The following HTT variants were observed in gnomAD, a reference collection of about 807,000 sequenced individuals.
HTT encodes the protein huntington disease protein.
A neutral mutation model predicts 362.3 loss-of-function variants in HTT; 104 were observed. The ratio of observed to expected loss-of-function variants is 0.29; its 90% CI spans 0.24 to 0.34. HTT has a LOEUF of 0.34. Ranked by LOEUF, HTT falls within the 10% of genes least tolerant of loss-of-function variation. The pLI is 1.00. For synonymous variants in HTT, 1,577 were observed against 1,548.7 expected (o/e 1.02, Z -0.43); for missense variants, 3,301 against 3,928.6 (o/e 0.84, Z 4.27).
At chr4:3,134,585 G>T in intron 19 of HTT, 45 bp downstream of exon 19, 1 of 1,550,596 alleles carries the variant, frequency 6.4e-7, no homozygotes, top group Non-Finnish European at 8.8e-7. Flanking sequence ...AAGCTCAATT[G>T]AAAGTTCTGG....
At position 3,131,319 on chromosome 4, in the gene HTT, A is replaced by G. The variant is rs756050443; in HGVS notation, c.2020A>G (p.Thr674Ala). Residue 674 changes from threonine (T) to alanine (A), a missense_variant, in exon 15 of 67, where the codon ACT becomes GCT. By Grantham distance (58) the Thr-to-Ala change is moderately conservative. Coordinates refer to ENST00000355072, the MANE Select transcript of HTT (RefSeq NM_001388492.1). ...CRIKGDIGQS[T>A]DDDSAPLVHC... Reference sequence around the variant, plus strand: ...CATCAAAGGTGACATTGGACAGTCCACTGATGATGACTCTGCACCTCTTGT... The same window carrying G: ...CATCAAAGGTGACATTGGACAGTCCGCTGATGATGACTCTGCACCTCTTGT... 1.2e-6 allele frequency: 2 copies of G among 1,613,974 alleles called. No homozygotes were observed. Among genetic ancestry groups the G allele is most frequent in the East Asian group, 2.2e-5 (1 of 44,864 alleles).
intron 47 of HTT, among the ~76,000 whole-genome samples, chr4:3,210,611 G>A (rs1477489523): frequency 1.3e-5 from 2 of 152,078 alleles, no homozygotes; most frequent in Non-Finnish European, 2.9e-5. Context: ...GTGAGCAGTG[G>A]GGGGGCCACC....
intron 10 of HTT, among the ~76,000 whole-genome samples, chr4:3,125,162 G>A (rs1045102343): frequency 2.6e-5 from 4 of 152,034 alleles, no homozygotes; most frequent in African/African-American, 9.7e-5. Flanking sequence ...TGTGTCATTG[G>A]AGCTATGACA....
At chr4:3,160,874 A>G (rs950105912) in intron 29 of HTT, among the ~76,000 whole-genome samples, 10 of 151,148 alleles carry the variant, frequency 6.6e-5, no homozygotes, top group Non-Finnish European at 1.3e-4. Context: ...AGTCTCGTAG[A>G]TTTTCTTTTT....
At position 3,211,943 on chromosome 4, in the gene HTT, C is replaced by A. The variant is rs768523603; in HGVS notation, c.6429C>A (p.Ser2143Arg). Residue 2143 changes from serine to arginine, a missense_variant, in exon 48 of 67, where the codon AGC becomes AGA. Transcript: ENST00000355072. Reference sequence around the variant, plus strand: ...TCTGATTTCAGGAGTTCAACCTAAGCCTGCTAGCTCCATGCTTAAGCCTAG... The same window carrying A: ...TCTGATTTCAGGAGTTCAACCTAAGACTGCTAGCTCCATGCTTAAGCCTAG... ...AFMMNSEFNL[S>R]LLAPCLSLGM... The A allele has an allele frequency of 1.2e-5, 20 of 1,613,874 alleles. No individual in the cohort carries two copies. The highest frequency in any genetic ancestry group is 1.6e-5 in the Non-Finnish European group (19 of 1,179,888).
intron 51 of HTT, among the ~76,000 whole-genome samples, chr4:3,217,289 C>T (rs973793326): frequency 6.6e-6 from 1 of 152,188 alleles, no homozygotes; most frequent in East Asian, 1.9e-4. Context: ...TTTCCATGCC[C>T]ACCAGAACCA....
At chr4:3,195,902 G>A (rs551943008) in intron 40 of HTT, among the ~76,000 whole-genome samples, 40 of 152,286 alleles carry the variant, frequency 2.6e-4, no homozygotes, top group Non-Finnish European at 8.8e-5. Flanking sequence ...TGACAGGCAT[G>A]CCTTTGCTGG....
chr4:3,190,106 G>A (rs1349996574), intron 40 of HTT, among the ~76,000 whole-genome samples: 1 of 152,168 alleles, frequency 6.6e-6, no homozygotes, highest in Non-Finnish European at 1.5e-5. Context: ...CACTTTGGGA[G>A]GTCAAGGTAA....
At chr4:3,086,221 TA>T (rs1375640384) in intron 1 of HTT, among the ~76,000 whole-genome samples, 1 of 152,256 alleles carries the variant, frequency 6.6e-6, no homozygotes, top group African/African-American at 2.4e-5. Context: ...TTAGTGATGT[TA>T]ACACATGATT....
At position 3,189,273 on chromosome 4, in the gene HTT, G is replaced by A. The variant is rs533165558; in HGVS notation, c.5368+180G>A. The stretch of plus-strand genomic sequence containing the variant: ...ATGTGACCCAGCAGTTCCACTCTTG[G>A]GTATATACCCAAAAGAATGGAAAGC... On this transcript the variant is annotated intron_variant, in intron 40 of 66. Coordinates refer to ENST00000355072, the MANE Select transcript of HTT (RefSeq NM_001388492.1). Among the ~76,000 whole-genome samples the A allele has an allele frequency of 5.3e-5, 8 of 152,248 alleles. No individual in the cohort carries two copies. The South Asian group carries it at 1.7e-3, about 32-fold the overall frequency.
chr4:3,186,228 G>T (rs1718751836), intron 37 of HTT, among the ~76,000 whole-genome samples: 1 of 152,162 alleles, frequency 6.6e-6, no homozygotes, highest in South Asian at 2.1e-4. Flanking sequence ...ACCATCCCAT[G>T]TATGTGTATA....
chr4:3,183,078 C>T (rs899139843), intron 37 of HTT, among the ~76,000 whole-genome samples: 4 of 152,196 alleles, frequency 2.6e-5, no homozygotes, highest in African/African-American at 9.7e-5. Context: ...GATGAGGTCT[C>T]GCTGTGTTGC....
intron 35 of HTT, 49 bp downstream of exon 35, chr4:3,178,495 G>C: frequency 6.3e-7 from 1 of 1,575,050 alleles, no homozygotes; most frequent in Non-Finnish European, 8.7e-7. Context: ...TGATGTGCTT[G>C]GCAGTGTTCG....
intron 26 of HTT, among the ~76,000 whole-genome samples, chr4:3,151,615 A>G (rs1246508659): frequency 6.6e-6 from 1 of 152,178 alleles, no homozygotes; most frequent in Non-Finnish European, 1.5e-5. Context: ...TGTGAACTGC[A>G]CATTTGAGGG....
chr4:3,079,644 C>A (rs1306551984), intron 1 of HTT, among the ~76,000 whole-genome samples: 1 of 152,114 alleles, frequency 6.6e-6, no homozygotes, highest in African/African-American at 2.4e-5. Context: ...ATACTACTTG[C>A]CTTGTAGATG....
At chr4:3,164,870 T>A (rs1414219520) in intron 29 of HTT, among the ~76,000 whole-genome samples, 1 of 152,228 alleles carries the variant, frequency 6.6e-6, no homozygotes, top group Admixed American at 6.5e-5. Flanking sequence ...CTTGACTCTT[T>A]ATCCAATTTG....
Position 3,122,921 on chromosome 4 carries a change from T to C in HTT, c.1306T>C (p.Ser436Pro), listed in dbSNP as rs2110179349. 1 of 1,611,306 alleles carries C rather than the reference T, an allele frequency of 6.2e-7. No homozygotes were observed. Among genetic ancestry groups the C allele is most frequent in the South Asian group, 1.1e-5 (1 of 90,500 alleles). Reference sequence around the variant, plus strand: ...GGGTTCCTCATGCAGCCCTGTCCTTTCAAGAAAACAAAAAGGTGATTATTT... The same window carrying C: ...GGGTTCCTCATGCAGCCCTGTCCTTCCAAGAAAACAAAAAGGTGATTATTT... Reference protein sequence around the residue: ...GGGSSCSPVLSRKQKGKVLLG... With the variant: ...GGGSSCSPVLPRKQKGKVLLG... Residue 436 changes from serine (S) to proline (P), a missense_variant, in exon 10 of 67, where the codon TCA becomes CCA. By Grantham distance (74) the Ser-to-Pro change is moderately conservative. Coordinates refer to ENST00000355072, the MANE Select transcript of HTT (RefSeq NM_001388492.1).
chr4:3,228,561 C>T lies in HTT; in HGVS notation c.7849-54C>T. 1 of 1,510,152 alleles carries T rather than the reference C, an allele frequency of 6.6e-7. No individual in the cohort carries two copies. Among genetic ancestry groups the T allele is most frequent in the Non-Finnish European group, 8.9e-7 (1 of 1,129,322 alleles). The allele number at this position is 1,510,152 out of a possible 1,614,324, so 93.5% of individuals were successfully genotyped here. ...AGTCCCAGTGGCCACACCCACCCACCAGGAGCCTGGCACTGTGGCCGCAGC... is the reference window on the plus strand; with the variant it reads ...AGTCCCAGTGGCCACACCCACCCACTAGGAGCCTGGCACTGTGGCCGCAGC... On this transcript the variant is annotated intron_variant, in intron 57 of 66. Transcript: ENST00000355072. The surrounding 1 kb of genome is among the most constrained non-coding windows in gnomAD (Gnocchi z 4.3).
chr4:3,179,623 G>A (rs1718404797), intron 35 of HTT, among the ~76,000 whole-genome samples: 1 of 151,164 alleles, frequency 6.6e-6, no homozygotes, highest in South Asian at 2.1e-4. Flanking sequence ...GTGTCACTGA[G>A]GGGTCAGAGT....
Sources: gnomAD v4.1 joint callset for allele counts (sites outside exome capture counted in the v4.1 genomes callset) on GRCh38, gnomAD v4.1.1 for gene constraint, Gnocchi (gnomAD v3.1) non-coding constraint, MANE v1.5 for transcripts, NCBI Gene and HGNC (gene_info 2026-07-23, HGNC 2026-07-21) for gene names.